FRMD3: variants seen among roughly 807,000 people sequenced by gnomAD.
The protein encoded by FRMD3 is FERM domain containing 3, also known as FERM domain-containing protein 3.
FRMD3 carries 33 observed loss-of-function variants against 70.2 expected under a neutral mutation model. The observed-to-expected ratio is 0.47, with a 90% CI of 0.36 to 0.63. The LOEUF (loss-of-function observed/expected upper bound fraction) is 0.63. Ranked by LOEUF, FRMD3 falls within the 20% of genes least tolerant of loss-of-function variation. FRMD3 has a pLI of 0.00. For synonymous variants in FRMD3, 279 were observed against 255.9 expected, an observed-to-expected ratio of 1.09 and a Z score of -0.86; for missense variants, 632 against 711.4, an observed-to-expected ratio of 0.89 and a Z score of 1.27.
intron 1 of FRMD3, among the ~76,000 whole-genome samples, chr9:83,532,135 A>G (rs1829802959): frequency 6.6e-6 from 1 of 152,226 alleles, no homozygotes; most frequent in South Asian, 2.1e-4. Context: ...AAAGTCCATG[A>G]GGGCTATGTT....
At chr9:83,424,841 T>C (rs1294938552) in intron 1 of FRMD3, among the ~76,000 whole-genome samples, 1 of 152,246 alleles carries the variant, frequency 6.6e-6, no homozygotes, top group East Asian at 1.9e-4. Context: ...GTTTTCATTT[T>C]TACAGGTGTG....
At chr9:83,440,606 AT>A (rs1375734618) in intron 1 of FRMD3, among the ~76,000 whole-genome samples, 14 of 152,172 alleles carry the variant, frequency 9.2e-5, no homozygotes, top group African/African-American at 3.4e-4. Flanking sequence ...CCAATTCTTC[AT>A]TTGTTCAGTT....
chr9:83,394,041 C>T (rs888732205), intron 1 of FRMD3, among the ~76,000 whole-genome samples: 3 of 151,346 alleles, frequency 2.0e-5, no homozygotes, highest in African/African-American at 7.3e-5. Flanking sequence ...GTTTGAGACT[C>T]TCTGATCTAA....
At position 83,425,704 on chromosome 9, in the gene FRMD3, G is replaced by A. The variant is rs552058464; in HGVS notation, c.148-35996C>T. On this transcript the variant is annotated intron_variant, in intron 1 of 13. Coordinates refer to ENST00000304195, the MANE Select transcript of FRMD3 (RefSeq NM_174938.6). ...GAGGATCACTTGAGGTCAGGAGTTC[G>A]AGACCAGCCTGGCCAACATGATGAA... Among the ~76,000 whole-genome samples the A allele has an allele frequency of 6.0e-4, 91 of 150,810 alleles. 1 individual carries two copies. The highest frequency in any genetic ancestry group is 6.8e-3 in the Middle Eastern group (2 of 292).
intron 1 of FRMD3, among the ~76,000 whole-genome samples, chr9:83,487,013 C>G (rs910227668): frequency 6.6e-5 from 10 of 152,192 alleles, no homozygotes; most frequent in African/African-American, 2.4e-4. Flanking sequence ...CATGTTTTGT[C>G]TAAGCATTTA....
chr9:83,408,665 T>C (rs1826194516), intron 1 of FRMD3, among the ~76,000 whole-genome samples: 1 of 152,226 alleles, frequency 6.6e-6, no homozygotes, highest in South Asian at 2.1e-4. Context: ...GAACTGACCT[T>C]GGTGTCAACC....
At chr9:83,404,519 A>G (rs1237802616) in intron 1 of FRMD3, among the ~76,000 whole-genome samples, 1 of 152,240 alleles carries the variant, frequency 6.6e-6, no homozygotes, top group East Asian at 1.9e-4. Flanking sequence ...GCATAAACCC[A>G]CAAGAATGTG....
chr9:83,502,158 C>T (rs1055389592), intron 1 of FRMD3, among the ~76,000 whole-genome samples: 2 of 152,178 alleles, frequency 1.3e-5, no homozygotes, highest in Non-Finnish European at 2.9e-5. Flanking sequence ...CCTAAGCATG[C>T]GCCACTTCGA....
At chr9:83,387,233 ATTC>A (rs1357866641) in intron 2 of FRMD3, among the ~76,000 whole-genome samples, 3 of 152,194 alleles carry the variant, frequency 2.0e-5, no homozygotes, top group Admixed American at 2.0e-4. Flanking sequence ...ATTAATTAAA[ATTC>A]TTCTGTATGG....
intron 1 of FRMD3, among the ~76,000 whole-genome samples, chr9:83,428,056 A>G (rs1826863421): frequency 6.6e-6 from 1 of 152,214 alleles, no homozygotes; most frequent in South Asian, 2.1e-4. Flanking sequence ...CCAGAGGAGT[A>G]GCAAACATGA....
intron 1 of FRMD3, among the ~76,000 whole-genome samples, chr9:83,427,182 T>C (rs1357061249): frequency 1.3e-5 from 2 of 152,164 alleles, no homozygotes; most frequent in Non-Finnish European, 2.9e-5. Context: ...CCCATGAGAA[T>C]GGCCTGAGGA....
At chr9:83,569,379 A>G in the FRMD3 span, among the ~76,000 whole-genome samples, 1 of 152,226 alleles carries the variant, frequency 6.6e-6, no homozygotes, top group Non-Finnish European at 1.5e-5. Context: ...TTTGATAAAT[A>G]GACTCTCCCC....
rs183421339 is a variant in FRMD3, at chr9:83,277,776, T to G, written c.1195+12827A>C. Among the ~76,000 whole-genome samples the G allele has an allele frequency of 2.1e-3, 327 of 152,378 alleles. 2 individuals carry two copies. The highest frequency in any genetic ancestry group is 0.015 in the Admixed American group (222 of 15,302). Reference sequence around the variant, plus strand: ...GTATGCTTTCTTTTATATAAATAAATGCTGTCCTGGTTGCATTTAGAATCC... The same window carrying G: ...GTATGCTTTCTTTTATATAAATAAAGGCTGTCCTGGTTGCATTTAGAATCC... On this transcript the variant is annotated intron_variant, in intron 13 of 13. Coordinates refer to ENST00000304195, the MANE Select transcript of FRMD3 (RefSeq NM_174938.6).
chr9:83,318,481 A>ATGTGTGTG (rs36015788), intron 6 of FRMD3, among the ~76,000 whole-genome samples: 2 of 150,826 alleles, frequency 1.3e-5, no homozygotes, highest in Non-Finnish European at 3.0e-5. Context: ...TATATATAAT[A>ATGTGTGTG]TGTGTGTGTG....
chr9:83,367,561 G>A (rs567477508), intron 3 of FRMD3, among the ~76,000 whole-genome samples: 5 of 152,268 alleles, frequency 3.3e-5, no homozygotes, highest in East Asian at 1.9e-4. Flanking sequence ...GTATCCTCTG[G>A]ACAGAACCCA....
intron 7 of FRMD3, 152 bp from the exon 8 acceptor site, chr9:83,312,127 T>G (rs1391663773): frequency 3.1e-6 from 2 of 640,330 alleles, no homozygotes; most frequent in Non-Finnish European, 5.2e-6. Flanking sequence ...GAGATGGAAC[T>G]TCTAAGAGCA....
intron 1 of FRMD3, among the ~76,000 whole-genome samples, chr9:83,523,079 CT>C (rs1381068277): frequency 6.6e-6 from 1 of 151,954 alleles, no homozygotes; most frequent in African/African-American, 2.4e-5. Flanking sequence ...TATTATTTGT[CT>C]TTTTGTATCT....
chr9:83,446,242 T>G (rs1433596147), intron 1 of FRMD3, among the ~76,000 whole-genome samples: 3 of 152,110 alleles, frequency 2.0e-5, no homozygotes, highest in Non-Finnish European at 1.5e-5. Flanking sequence ...GTGTGTGAGA[T>G]CTGATTCCAG....
At chr9:83,581,812 T>C in the FRMD3 span, among the ~76,000 whole-genome samples, 2 of 152,180 alleles carry the variant, frequency 1.3e-5, no homozygotes, top group East Asian at 3.8e-4. Context: ...TTATGCTAAG[T>C]GAAAGAAATT....
Sources: gnomAD v4.1 joint callset for allele counts (sites outside exome capture counted in the v4.1 genomes callset) on GRCh38, gnomAD v4.1.1 for gene constraint, MANE v1.5 for transcripts, NCBI Gene and HGNC (gene_info 2026-07-23, HGNC 2026-07-21) for gene names.